The following DNAH1 variants were observed in gnomAD, a reference collection of about 807,000 sequenced individuals.
The protein encoded by DNAH1 is axonemal beta dynein heavy chain 1.
DNAH1 carries 327 observed loss-of-function variants against 484.3 expected under a neutral mutation model. That is an observed-to-expected ratio of 0.68 (90% CI 0.62 to 0.74). The LOEUF (loss-of-function observed/expected upper bound fraction) is 0.74, where lower values mean the gene tolerates loss of function less well. DNAH1 is among the 30% of genes least tolerant of loss of function. The probability of loss-of-function intolerance (pLI) is 0.00; values close to 1 mark genes in which losing one functional copy is unlikely to be tolerated. For missense variants in DNAH1, 5,052 were observed against 5,546.8 expected (o/e 0.91, Z 2.83); for synonymous variants, 2,192 against 2,191.9 (o/e 1.00, Z 0.00).
At chr3:52,397,108 A>C in intron 73 of DNAH1, 64 bp downstream of exon 73, 1 of 1,459,350 alleles carries the variant, frequency 6.9e-7, no homozygotes, top group Non-Finnish European at 9.2e-7. Flanking sequence ...GGGTACCATG[A>C]GCACCTTGGT....
chr3:52,374,536 C>G, intron 44 of DNAH1: 1 of 1,496,248 alleles, frequency 6.7e-7, no homozygotes, highest in Non-Finnish European at 9.3e-7. Context: ...ACCATGGAGC[C>G]CCTCTTCCGG....
At chr3:52,343,159 C>T (rs773229587) in intron 8 of DNAH1, among the ~76,000 whole-genome samples, 2 of 151,908 alleles carry the variant, frequency 1.3e-5, no homozygotes, top group African/African-American at 2.4e-5. Flanking sequence ...TCAGGGGTAG[C>T]GAGGGAAGAG....
Position 52,391,177 on chromosome 3 carries a change from A to C in DNAH1, c.9742-2A>C, listed in dbSNP as rs1346132255. ...ACCCCTTCTTTTCCCCTTCCCTTACAGGAGAAGGACAATGGGCTGGATGTG... is the reference window on the plus strand; with the variant it reads ...ACCCCTTCTTTTCCCCTTCCCTTACCGGAGAAGGACAATGGGCTGGATGTG... On this transcript the variant is annotated splice_acceptor_variant, in intron 61 of 77. Coordinates refer to ENST00000420323, the MANE Select transcript of DNAH1 (RefSeq NM_015512.5). LOFTEE classifies it high-confidence loss of function. 1.2e-6 allele frequency: 2 copies of C among 1,613,828 alleles called. No homozygotes were observed. Among genetic ancestry groups the C allele is most frequent in the South Asian group, 2.2e-5 (2 of 91,046 alleles).
At chr3:52,385,529 G>T in intron 54 of DNAH1, 82 bp downstream of exon 54, 1 of 1,152,988 alleles carries the variant, frequency 8.7e-7, no homozygotes, top group Non-Finnish European at 1.3e-6. Flanking sequence ...CTCGCTAGCT[G>T]CCTGGCCACT....
intron 61 of DNAH1, 44 bp downstream of exon 61, chr3:52,391,098 A>G: frequency 6.3e-7 from 1 of 1,598,252 alleles, no homozygotes; most frequent in East Asian, 2.3e-5. Flanking sequence ...CCAGCCAGGC[A>G]TAGCAAGGGC....
rs1474922451 is a variant in DNAH1 at position 52,359,492 on chromosome 3, TG to T, written c.4407+110del. ...TCCTATAGTGAGCCTGGAAGAGGCC[TG>T]GGGTTGGGTCTAAAGGGGAGGTCAG... is the stretch of plus-strand genomic sequence containing the variant. On this transcript the variant is annotated intron_variant, in intron 26 of 77. Transcript: ENST00000420323. 59 of 1,452,774 alleles carry T rather than the reference TG, an allele frequency of 4.1e-5. No homozygotes were observed. The East Asian group carries it at 1.5e-3, about 36-fold the overall frequency. The allele number at this position is 1,452,774 out of a possible 1,614,324, so 90.0% of individuals were successfully genotyped here.
At chr3:52,389,426 A>C in intron 59 of DNAH1, 35 bp from the exon 60 acceptor site, 4 of 1,610,262 alleles carry the variant, frequency 2.5e-6, no homozygotes, top group Non-Finnish European at 3.4e-6. Flanking sequence ...TGTGAGTGTC[A>C]TGGTGGGGTG....
At chr3:52,349,447 T>C in intron 14 of DNAH1, 27 bp downstream of exon 14, 1 of 1,599,476 alleles carries the variant, frequency 6.3e-7, no homozygotes, top group South Asian at 1.1e-5. Context: ...CCCGCCTCAG[T>C]GACCACAGCA....
At chr3:52,348,736 C>T (rs1485806348) in intron 12 of DNAH1, among the ~76,000 whole-genome samples, 152 bp from the exon 13 acceptor site, 1 of 152,182 alleles carries the variant, frequency 6.6e-6, no homozygotes. Flanking sequence ...TGCATCCCTC[C>T]TTTTGTATTT....
intron 10 of DNAH1, among the ~76,000 whole-genome samples, chr3:52,346,151 TTC>T (rs1702133039): frequency 6.6e-6 from 1 of 152,226 alleles, no homozygotes; most frequent in East Asian, 1.9e-4. Context: ...TTTTGTCTTG[TTC>T]TCTGTCTCTC....
intron 44 of DNAH1, 114 bp downstream of exon 44, chr3:52,373,167 A>T: frequency 1.5e-5 from 18 of 1,181,946 alleles, no homozygotes; most frequent in African/African-American, 1.6e-5. Context: ...AAATGTTTTA[A>T]TTTCTCTTAA....
chr3:52,397,509 G>C (rs535704778), intron 73 of DNAH1, among the ~76,000 whole-genome samples, 198 bp from the exon 74 acceptor site: 1 of 152,216 alleles, frequency 6.6e-6, no homozygotes, highest in East Asian at 1.9e-4. Flanking sequence ...GTAACAAGGA[G>C]GCTGGGAGGG....
Position 52,363,110 on chromosome 3 carries a change from C to T in DNAH1, c.5210C>T (p.Thr1737Ile), listed in dbSNP as rs1229879093. The T allele has an allele frequency of 1.9e-6, 3 of 1,614,004 alleles. No individual in the cohort carries two copies. The highest frequency in any genetic ancestry group is 1.7e-6 in the Non-Finnish European group (2 of 1,179,868). The change falls in exon 32 of 78, where the codon ACC (threonine) becomes ATC (isoleucine). Residue 1737 changes from threonine to isoleucine, a missense_variant. Physicochemically the swap from Thr to Ile is moderately conservative, Grantham distance 89. Around this residue, in one of 4 missense-constraint regions of DNAH1, gnomAD observed 2,929 missense variants for 3,409.4 expected, o/e 0.86. Transcript: ENST00000420323. The part of the protein sequence containing the change: ...ASVLAKKITT[T>I]FKLSSEQLSS... Reference sequence around the variant, plus strand: ...GTGCTGGCTAAGAAGATCACAACCACCTTCAAGCTGTCTTCTGAGCAGCTC... The same window carrying T: ...GTGCTGGCTAAGAAGATCACAACCATCTTCAAGCTGTCTTCTGAGCAGCTC...
intron 66 of DNAH1, 33 bp downstream of exon 66, chr3:52,393,518 G>A (rs1349872586): frequency 6.2e-7 from 1 of 1,610,624 alleles, no homozygotes; most frequent in African/African-American, 1.3e-5. Context: ...CAGACTGCCT[G>A]AGGGGTGGCC....
rs899984639 is a variant in DNAH1, at chr3:52,344,404, T to C, written c.1287-86T>C. On this transcript the variant is annotated intron_variant, in intron 8 of 77. Transcript: ENST00000420323. Reference sequence around the variant, plus strand: ...GAAGCCCTAAATGCGTGTCCCCAGGTCCATGCCAGAGCAGAGCTTGGGCCC... The same window carrying C: ...GAAGCCCTAAATGCGTGTCCCCAGGCCCATGCCAGAGCAGAGCTTGGGCCC... 16 of 1,523,590 alleles carry C rather than the reference T, an allele frequency of 1.1e-5. No homozygotes were observed. The African/African-American group carries it at 1.8e-4, about 17-fold the overall frequency. 94.4% of individuals were successfully genotyped at this position (1,523,590 alleles called of 1,614,324 possible).
In DNAH1 at chr3:52,370,318, A is replaced by G. The variant is rs142510034; in HGVS notation, c.6258+89A>G. ...TCTGGGGCCTGAAAGAGAGAATTGG[A>G]TTGGTGCAACATGGTGCAACATGGA... On this transcript the variant is annotated intron_variant, in intron 39 of 77. Coordinates refer to ENST00000420323, the MANE Select transcript of DNAH1 (RefSeq NM_015512.5). 3.4e-4 allele frequency: 526 copies of G among 1,562,750 alleles called. 2 individuals carry two copies. The African/African-American group carries it at 6.3e-3, about 19-fold the overall frequency.
intron 54 of DNAH1, among the ~76,000 whole-genome samples, chr3:52,385,773 T>C (rs1358915490): frequency 6.6e-6 from 1 of 152,220 alleles, no homozygotes; most frequent in Non-Finnish European, 1.5e-5. Context: ...AGTTTGTGTA[T>C]TCCTTATGAC....
chr3:52,370,914 C>T (rs951316262), intron 41 of DNAH1, 89 bp downstream of exon 41: 20 of 1,322,314 alleles, frequency 1.5e-5, no homozygotes, highest in East Asian at 2.5e-5. Context: ...CACAGGGAGC[C>T]GTCACATTGA....
intron 37 of DNAH1, among the ~76,000 whole-genome samples, chr3:52,369,184 C>G (rs954382850): frequency 6.6e-6 from 1 of 152,168 alleles, no homozygotes; most frequent in Non-Finnish European, 1.5e-5. Flanking sequence ...CTTTTGTGCT[C>G]GAGCCCACCA....
Sources: allele counts gnomAD v4.1 joint callset (sites outside exome capture counted in the v4.1 genomes callset), GRCh38; gene constraint gnomAD v4.1.1; regional missense constraint gnomAD v4.1.1; transcripts MANE v1.5; gene names NCBI Gene and HGNC (gene_info 2026-07-23, HGNC 2026-07-21).